Variants in CERS3 observed in about 807,000 individuals in gnomAD.
The protein encoded by CERS3 is LAG1 homolog, ceramide synthase 3.
Under a neutral mutation model 50.3 loss-of-function variants are expected in CERS3, and 33 were observed. That is an observed-to-expected ratio of 0.66 (90% CI 0.50 to 0.88). CERS3 has a LOEUF of 0.88. CERS3 is among the 40% of genes least tolerant of loss of function. CERS3 has a pLI of 0.00. For missense variants in CERS3, 470 were observed against 460.3 expected (o/e 1.02, Z -0.19); for synonymous variants, 176 against 155.2 (o/e 1.13, Z -0.99).
chr15:100,425,089 T>C (rs1233456838), intron 11 of CERS3, among the ~76,000 whole-genome samples: 1 of 152,128 alleles, frequency 6.6e-6, no homozygotes, highest in East Asian at 1.9e-4. Flanking sequence ...TTTCAGAGGA[T>C]GTACGGAAAT....
intron 11 of CERS3, among the ~76,000 whole-genome samples, chr15:100,433,772 A>G (rs1297883997): frequency 6.6e-6 from 1 of 152,258 alleles, no homozygotes; most frequent in African/African-American, 2.4e-5. Context: ...CTCAACTGAC[A>G]TGGCAGGAAC....
intron 11 of CERS3, among the ~76,000 whole-genome samples, chr15:100,416,383 G>A (rs8041141): frequency 0.56 from 85,696 of 151,954 alleles, 24,413 homozygotes; most frequent in Non-Finnish European, 0.6. Flanking sequence ...GCGATGGGGA[G>A]CAGACTCCCT....
rs1259751525 is a variant in CERS3, at chr15:100,500,944, T to G, written c.173+733A>C. 3.9e-5 allele frequency among the ~76,000 whole-genome samples: 6 copies of G among 152,216 alleles called. 1 individual carries two copies. In the East Asian group the frequency reaches 1.2e-3, roughly 29 times the overall value. ...TCCAACTCTTGACATTTGAATATTC[T>G]CTTTGCTCCAAATAAATTAATGTGC... On this transcript the variant is annotated intron_variant, in intron 3 of 11. Coordinates refer to ENST00000679737, the MANE Select transcript of CERS3 (RefSeq NM_001378789.1).
intron 10 of CERS3, among the ~76,000 whole-genome samples, chr15:100,459,064 T>G (rs2034466631): frequency 6.6e-6 from 1 of 152,234 alleles, no homozygotes; most frequent in South Asian, 2.1e-4. Context: ...AGTACATACA[T>G]TAGTGTGTGT....
At chr15:100,491,583 A>G (rs1040536039) in intron 3 of CERS3, among the ~76,000 whole-genome samples, 4 of 151,902 alleles carry the variant, frequency 2.6e-5, no homozygotes, top group Non-Finnish European at 4.4e-5. Context: ...AATCTTTATT[A>G]TTTCCTATCT....
At chr15:100,530,342 G>C (rs1384924219), upstream of CERS3, among the ~76,000 whole-genome samples, 1 of 152,138 alleles carries the variant, frequency 6.6e-6, no homozygotes, top group Non-Finnish European at 1.5e-5. Context: ...AGACTCCTTG[G>C]CACAATGGCC....
At chr15:100,476,432 C>A (rs1426688851) in intron 7 of CERS3, among the ~76,000 whole-genome samples, 1 of 152,158 alleles carries the variant, frequency 6.6e-6, no homozygotes, top group African/African-American at 2.4e-5. Context: ...ACAACTGCCA[C>A]AGGTGTAAAT....
chr15:100,540,919 C>T (rs756013273), intron 1 of CERS3, among the ~76,000 whole-genome samples: 4 of 152,194 alleles, frequency 2.6e-5, no homozygotes, highest in Non-Finnish European at 4.4e-5. Flanking sequence ...TCCTGCTGTT[C>T]TTCCTTCTTT....
chr15:100,421,747 T>C (rs999428294), intron 11 of CERS3, among the ~76,000 whole-genome samples: 3 of 143,480 alleles, frequency 2.1e-5, no homozygotes, highest in Non-Finnish European at 4.6e-5. Context: ...TATAGATCAA[T>C]GTAACAGAAC....
chr15:100,536,994 G>T (rs1188816448), intron 1 of CERS3, among the ~76,000 whole-genome samples: 3 of 152,204 alleles, frequency 2.0e-5, no homozygotes, highest in Non-Finnish European at 4.4e-5. Flanking sequence ...ATACAAAGAT[G>T]AAGGCAATGT....
chr15:100,405,233 TAAAAAAAA>T (rs752244347), intron 11 of CERS3, among the ~76,000 whole-genome samples: 4 of 34,894 alleles, frequency 1.1e-4, no homozygotes, highest in Non-Finnish European at 3.3e-4. Context: ...AACTCAATGG[TAAAAAAAA>T]AAAAAAACAA....
intron 10 of CERS3, among the ~76,000 whole-genome samples, chr15:100,467,866 G>GAT (rs1455804861): frequency 4.3e-4 from 18 of 41,844 alleles, no homozygotes; most frequent in African/African-American, 1.1e-3. Flanking sequence ...TAGATAGATA[G>GAT]ATAGATAGAT....
At chr15:100,432,290 G>C (rs772757344) in intron 11 of CERS3, among the ~76,000 whole-genome samples, 2 of 152,164 alleles carry the variant, frequency 1.3e-5, no homozygotes, top group African/African-American at 4.8e-5. Flanking sequence ...GTCACCAAAT[G>C]TCAGGCTTTC....
intron 11 of CERS3, among the ~76,000 whole-genome samples, chr15:100,415,793 G>A (rs1020572339): frequency 5.9e-5 from 6 of 100,962 alleles, no homozygotes; most frequent in Non-Finnish European, 1.4e-4. Context: ...CCTGTCGGGG[G>A]GCAGGGAGTG....
chr15:100,435,601 A>G (rs2587810), intron 11 of CERS3, among the ~76,000 whole-genome samples: 140,036 of 152,122 alleles, frequency 0.92, 65,079 homozygotes, highest in East Asian at 0.99. Context: ...AGCAATGGCA[A>G]CAAAAGCCAG....
chr15:100,493,900 T>G (rs1224290274), intron 3 of CERS3, among the ~76,000 whole-genome samples: 2 of 152,110 alleles, frequency 1.3e-5, no homozygotes, highest in Non-Finnish European at 2.9e-5. Context: ...ACTGTTTTCA[T>G]GCTTTCCTTT....
At chr15:100,420,010 C>T (rs1002279581) in intron 11 of CERS3, among the ~76,000 whole-genome samples, 2 of 143,432 alleles carry the variant, frequency 1.4e-5, no homozygotes, top group Non-Finnish European at 3.1e-5. Context: ...CCTAACATCA[C>T]AATTAAAAGA....
At chr15:100,482,707 G>A (rs903048914) in intron 5 of CERS3, among the ~76,000 whole-genome samples, 6 of 152,110 alleles carry the variant, frequency 3.9e-5, no homozygotes, top group African/African-American at 1.4e-4. Context: ...CAAACACACT[G>A]AACCCAACGT....
intron 8 of CERS3, 56 bp downstream of exon 8, chr15:100,476,030 G>A: frequency 4.2e-6 from 5 of 1,191,924 alleles, no homozygotes; most frequent in Non-Finnish European, 5.9e-6. Flanking sequence ...TTTGGGGCAG[G>A]GAGATGGCAA....
Sources: gnomAD v4.1 joint callset for allele counts (sites outside exome capture counted in the v4.1 genomes callset) on GRCh38, gnomAD v4.1.1 for gene constraint, MANE v1.5 for transcripts, NCBI Gene and HGNC (gene_info 2026-07-23, HGNC 2026-07-21) for gene names.